Variants in ANO9 observed in about 807,000 individuals in gnomAD.
The protein encoded by ANO9 is anoctamin-9.
A neutral mutation model predicts 100.5 loss-of-function variants in ANO9; 80 were observed. The ratio of observed to expected loss-of-function variants is 0.80; its 90% CI spans 0.66 to 0.96. The LOEUF (loss-of-function observed/expected upper bound fraction) is 0.96, where lower values mean the gene tolerates loss of function less well. ANO9 is among the 40% of genes least tolerant of loss of function. ANO9 has a pLI of 0.00. For synonymous variants in ANO9, 473 were observed against 435.6 expected (o/e 1.09, Z -1.07); for missense variants, 1,064 against 1,072.7 (o/e 0.99, Z 0.11).
intron 15 of ANO9, among the ~76,000 whole-genome samples, chr11:423,432 G>A (rs114835146): frequency 0.02 from 3,045 of 152,244 alleles, 85 homozygotes; most frequent in African/African-American, 0.062. Flanking sequence ...GGACAACTGG[G>A]TGCCATTTGG....
chr11:424,892 G>C (rs148551503), intron 15 of ANO9, among the ~76,000 whole-genome samples: 1 of 152,190 alleles, frequency 6.6e-6, no homozygotes, highest in African/African-American at 2.4e-5. Context: ...GGCACAAAGT[G>C]AAGGAAATCT....
chr11:433,723 C>T (rs1444937928), intron 3 of ANO9, 92 bp downstream of exon 3: 10 of 1,479,204 alleles, frequency 6.8e-6, no homozygotes, highest in Non-Finnish European at 8.1e-6. Context: ...CCCTGCCCCT[C>T]GCTGGGCACC....
chr11:442,009 C>T lies in ANO9; in HGVS notation c.-83G>A, dbSNP rs559685739. ...GGCGGGTGCTCCTACCTGACTTCCG[C>T]GTGGGGCTCGCCCCTCCCTCCTCCT... is the stretch of plus-strand genomic sequence containing the variant. On this transcript the variant is annotated 5_prime_UTR_variant, in exon 1 of 23. Transcript: ENST00000332826. The T allele has an allele frequency of 3.9e-5, 61 of 1,555,194 alleles. 1 individual carries two copies. The East Asian group carries it at 9.9e-4, about 25-fold the overall frequency.
chr11:435,506 C>A (rs1333493934), intron 1 of ANO9, among the ~76,000 whole-genome samples: 14 of 135,774 alleles, frequency 1.0e-4, no homozygotes, highest in Non-Finnish European at 1.1e-4. Flanking sequence ...CTAGTATAGT[C>A]TAGTCTAGTC....
At chr11:438,824 G>C (rs932873381) in intron 1 of ANO9, among the ~76,000 whole-genome samples, 2 of 152,158 alleles carry the variant, frequency 1.3e-5, no homozygotes, top group African/African-American at 4.8e-5. Context: ...ACAGTGAGAT[G>C]TCTGGGACCC....
Position 420,362 on chromosome 11 carries a change from C to G in ANO9, c.1786+101G>C, listed in dbSNP as rs375122888. ...CTGGGGGCTGTCTGCGGCCTGAGAT[C>G]CGAGAGATTATTTTTTCCAGGTGAG... On this transcript the variant is annotated intron_variant, in intron 19 of 22. Transcript: ENST00000332826. 5.3e-6 allele frequency: 8 copies of G among 1,518,256 alleles called. No homozygotes were observed. The East Asian group carries it at 9.8e-5, about 19-fold the overall frequency. 94.0% of individuals were successfully genotyped at this position (1,518,256 alleles called of 1,614,324 possible). A position where few individuals can be genotyped will look rare whatever the true frequency, so the allele number is the denominator to read the frequency against.
intron 9 of ANO9, 131 bp downstream of exon 9, chr11:429,952 G>C (rs1848788352): frequency 1.6e-6 from 2 of 1,277,232 alleles, no homozygotes; most frequent in Admixed American, 4.0e-5. Flanking sequence ...GCTGGGGCTG[G>C]GCCTCCCCGT....
chr11:420,979 G>T lies in ANO9; in HGVS notation c.1456C>A (p.Gln486Lys). The change falls in exon 17 of 23, where the codon CAG becomes AAG. Residue 486 changes from glutamine to lysine, a missense_variant. By Grantham distance (53) the Gln-to-Lys change is moderately conservative (BLOSUM62 1). Transcript: ENST00000332826. ...TACTCGACGCAGTTGCTGAGCGTCT[G>T]CTTCAGGCCCATGATGATGGCCATC... ...VQMAIIMGLK[Q>K]TLSNCVEYLV... is the part of the protein sequence containing the mutation. 6.2e-7 allele frequency: 1 copy of T among 1,607,298 alleles called. No individual in the cohort carries two copies. Among genetic ancestry groups the T allele is most frequent in the Non-Finnish European group, 8.5e-7 (1 of 1,176,044 alleles).
In ANO9 at chr11:418,754, AG is replaced by A; in HGVS notation, c.2095del (p.Leu699TrpfsTer33). On this transcript the variant is annotated frameshift_variant, in exon 22 of 23. Transcript: ENST00000332826. LOFTEE classifies it low-confidence loss of function (END_TRUNC). The part of the protein sequence containing the change: ...YNFSEQFWFL[L>X]AIRLAFVILF... ...GATGACGAAGGCCAGGCGGATGGCCAGGAGGAACCAGAACTGCTCGGAGAAG... is the reference window on the plus strand; with the variant it reads ...GATGACGAAGGCCAGGCGGATGGCCAGAGGAACCAGAACTGCTCGGAGAAG... 1 of 1,613,100 alleles carries A rather than the reference AG, an allele frequency of 6.2e-7. No homozygotes were observed. Among genetic ancestry groups the A allele is most frequent in the Non-Finnish European group, 8.5e-7 (1 of 1,179,994 alleles).
intron 1 of ANO9, among the ~76,000 whole-genome samples, chr11:437,805 C>T (rs1226980874): frequency 6.6e-6 from 1 of 152,212 alleles, no homozygotes; most frequent in Non-Finnish European, 1.5e-5. Context: ...AGAATGGCCC[C>T]TCACATGCCT....
rs147210674 is a variant in ANO9, at chr11:419,363, C to T, written c.1934+219G>A. On this transcript the variant is annotated intron_variant, in intron 20 of 22. Transcript: ENST00000332826. The stretch of plus-strand genomic sequence containing the variant: ...GAGGCAGCCAGGTCTGGGAACTTCA[C>T]CCCCAACTGCGGTCCTGGCCAGTTA... 6.1e-3 allele frequency: 8,655 copies of T among 1,414,872 alleles called. 42 individuals carry two copies. Among genetic ancestry groups the T allele is most frequent in the Non-Finnish European group, 7.2e-3 (7,795 of 1,088,428 alleles). 87.6% of individuals were successfully genotyped at this position (1,414,872 alleles called of 1,614,324 possible).
At position 434,009 on chromosome 11, in the gene ANO9, C is replaced by T; in HGVS notation, c.81+15G>A. On this transcript the variant is annotated intron_variant, in intron 2 of 22. Transcript: ENST00000332826. ...AGGGCCAGGTGGGGCCCGGGAGGGG[C>T]CCCCGGACACCCACCTCACAGGTGC... The T allele has an allele frequency of 6.5e-7, 1 of 1,548,388 alleles. No individual in the cohort carries two copies. The highest frequency in any genetic ancestry group is 8.7e-7 in the Non-Finnish European group (1 of 1,145,652).
At chr11:431,422 C>G (rs182143730) in intron 7 of ANO9, among the ~76,000 whole-genome samples, 1 of 88,376 alleles carries the variant, frequency 1.1e-5, no homozygotes, top group Non-Finnish European at 2.1e-5. Flanking sequence ...GGGGCGTCCG[C>G]GGGTATCTGG....
intron 1 of ANO9, among the ~76,000 whole-genome samples, chr11:436,544 T>C (rs1208647287): frequency 1.3e-5 from 2 of 150,680 alleles, no homozygotes; most frequent in African/African-American, 4.9e-5. Flanking sequence ...CAGAAGGCTC[T>C]CAGGCAGGGG....
chr11:427,985 G>A lies in ANO9; in HGVS notation c.1334+103C>T. 2 of 525,284 alleles carry A rather than the reference G, an allele frequency of 3.8e-6. 1 individual carries two copies. Among genetic ancestry groups the A allele is most frequent in the Non-Finnish European group, 6.5e-6 (2 of 305,800 alleles). The allele number at this position is 525,284 out of a possible 1,614,324, so 32.5% of individuals were successfully genotyped here. On this transcript the variant is annotated intron_variant, in intron 15 of 22. Coordinates refer to ENST00000332826, the MANE Select transcript of ANO9 (RefSeq NM_001012302.3). ...TAGATTGGATTTCCACTTGCTCTCA[G>A]CAGAAATTACTTTTAAAATTAAAAG...
At chr11:437,644 T>C (rs1383021314) in intron 1 of ANO9, among the ~76,000 whole-genome samples, 4 of 150,286 alleles carry the variant, frequency 2.7e-5, no homozygotes, top group Non-Finnish European at 1.5e-5. Context: ...GCGTGGCACC[T>C]GCCCAGGCAG....
At position 431,860 on chromosome 11, in the gene ANO9, G is replaced by C. The variant is rs760824164; in HGVS notation, c.453C>G (p.Phe151Leu). ...LMKDGVFEAR[F>L]PLHKGEGRLK... ...GCCCACCCCTCACCTTGTGCAGGGG[G>C]AACCTGGCCTCAAAGACCCCGTCCT... is the stretch of plus-strand genomic sequence containing the variant. The change falls in exon 6 of 23, where the codon TTC (phenylalanine) becomes TTG (leucine). Residue 151 changes from phenylalanine (F) to leucine (L), a missense_variant. Physicochemically the swap from Phe to Leu is conservative, Grantham distance 22 (BLOSUM62 0). Transcript: ENST00000332826. 1 of 1,610,936 alleles carries C rather than the reference G, an allele frequency of 6.2e-7. No individual in the cohort carries two copies.
chr11:421,109 G>A lies in ANO9; in HGVS notation c.1392+32C>T, dbSNP rs573677540. On this transcript the variant is annotated intron_variant, in intron 16 of 22. Transcript: ENST00000332826. The surrounding 1 kb of genome is among the most constrained non-coding windows in gnomAD (Gnocchi z 6.8). ...GGACGGTCAGGGGAGCAGTGGCTCAGGGACAGGGCATGAAGCCTGGGGGTG... is the reference window on the plus strand; with the variant it reads ...GGACGGTCAGGGGAGCAGTGGCTCAAGGACAGGGCATGAAGCCTGGGGGTG... 1.2e-4 allele frequency: 191 copies of A among 1,577,218 alleles called. 5 individuals carry two copies. The South Asian group carries it at 2.0e-3, about 16-fold the overall frequency.
At chr11:436,422 G>GC (rs1422409066) in intron 1 of ANO9, among the ~76,000 whole-genome samples, 4 of 151,880 alleles carry the variant, frequency 2.6e-5, no homozygotes, top group Admixed American at 1.3e-4. Flanking sequence ...CTGGCCTCCA[G>GC]CCCCCACCCC....
Sources: gnomAD v4.1 joint callset for allele counts (sites outside exome capture counted in the v4.1 genomes callset) on GRCh38, gnomAD v4.1.1 for gene constraint, Gnocchi (gnomAD v3.1) non-coding constraint, MANE v1.5 for transcripts, NCBI Gene and HGNC (gene_info 2026-07-23, HGNC 2026-07-21) for gene names.